PRKCA: variants seen among roughly 807,000 people sequenced by gnomAD.
The protein encoded by PRKCA is protein kinase C alpha type.
In PRKCA, 27 loss-of-function variants were observed where a neutral mutation model predicts 87.0. That is an observed-to-expected ratio of 0.31 (90% CI 0.23 to 0.43). The LOEUF is 0.43. PRKCA is among the 20% of genes least tolerant of loss of function. The pLI is 1.00. For missense variants in PRKCA, 518 were observed against 852.3 expected (o/e 0.61, Z 4.88); for synonymous variants, 329 against 311.1 (o/e 1.06, Z -0.61).
chr17:66,776,407 T>C (rs61762776), intron 14 of PRKCA, among the ~76,000 whole-genome samples: 83 of 152,224 alleles, frequency 5.5e-4, no homozygotes, highest in African/African-American at 1.7e-3. Context: ...GCCTCCCAGG[T>C]TCAAGCAATT....
intron 2 of PRKCA, among the ~76,000 whole-genome samples, chr17:66,493,868 G>A (rs1916352173): frequency 6.6e-6 from 1 of 152,142 alleles, no homozygotes; most frequent in Non-Finnish European, 1.5e-5. Context: ...CATGATGATG[G>A]CCAATTACTT....
intron 3 of PRKCA, among the ~76,000 whole-genome samples, chr17:66,540,396 G>C (rs543640604): frequency 6.6e-6 from 1 of 152,308 alleles, no homozygotes; most frequent in South Asian, 2.1e-4. Flanking sequence ...CTTGACGCTG[G>C]GGGGACGGCG....
intron 3 of PRKCA, among the ~76,000 whole-genome samples, chr17:66,603,405 T>G (rs530482258): frequency 1.3e-5 from 2 of 152,150 alleles, no homozygotes; most frequent in Non-Finnish European, 2.9e-5. Flanking sequence ...TTCTTTTGGT[T>G]GTGGAGAAGT....
chr17:66,363,303 T>G (rs16959068), intron 2 of PRKCA, among the ~76,000 whole-genome samples: 2,455 of 152,320 alleles, frequency 0.016, 60 homozygotes, highest in African/African-American at 0.055. Flanking sequence ...CATAAGTTCA[T>G]TTACACAGGG....
intron 12 of PRKCA, 56 bp downstream of exon 12, chr17:66,741,777 G>C (rs1301753640): frequency 6.5e-7 from 1 of 1,544,810 alleles, no homozygotes; most frequent in Admixed American, 1.7e-5. Context: ...CTGGGCCTCT[G>C]TGGGCATGTC....
intron 13 of PRKCA, among the ~76,000 whole-genome samples, chr17:66,755,194 G>A (rs972973407): frequency 3.3e-5 from 5 of 152,168 alleles, no homozygotes; most frequent in Non-Finnish European, 7.3e-5. Flanking sequence ...ACCTGACCCA[G>A]TATTGTCAGT....
intron 2 of PRKCA, among the ~76,000 whole-genome samples, chr17:66,392,130 T>C (rs1423444270): frequency 6.6e-6 from 1 of 151,500 alleles, no homozygotes; most frequent in East Asian, 2.0e-4. Flanking sequence ...CGCAGGAGGC[T>C]GAGGCAGGAG....
At position 66,312,420 on chromosome 17, in the gene PRKCA, A is replaced by G. The variant is rs16959057; in HGVS notation, c.205+6293A>G. On this transcript the variant is annotated intron_variant, in intron 2 of 16. Coordinates refer to ENST00000413366, the MANE Select transcript of PRKCA (RefSeq NM_002737.3). Reference sequence around the variant, plus strand: ...CAATTGTTTTTCTTCATGCAGATTCAGAGTATTCCATTTCCAAATAGCATT... The same window carrying G: ...CAATTGTTTTTCTTCATGCAGATTCGGAGTATTCCATTTCCAAATAGCATT... 9.3e-3 allele frequency among the ~76,000 whole-genome samples: 1,414 copies of G among 152,278 alleles called. 24 individuals carry two copies. The highest frequency in any genetic ancestry group is 0.033 in the African/African-American group (1,363 of 41,544).
chr17:66,595,463 C>CTTTTTTTTTTTT lies in PRKCA; in HGVS notation c.289-45887_289-45876dup, dbSNP rs374376124. 3.4e-3 allele frequency among the ~76,000 whole-genome samples: 392 copies of CTTTTTTTTTTTT among 116,424 alleles called. 21 individuals are homozygous for CTTTTTTTTTTTT. Among genetic ancestry groups the CTTTTTTTTTTTT allele is most frequent in the African/African-American group, 5.3e-3 (152 of 28,920 alleles). The allele number at this position is 116,424 out of a possible 152,430, so 76.4% of individuals were successfully genotyped here. A position where few individuals can be genotyped will look rare whatever the true frequency, so the allele number is the denominator to read the frequency against. Reference sequence around the variant, plus strand: ...AACTCTATTTTATTTTCTTTTCCTTCTTTTTTTTTTTTTTTTGAGACAGTC... The same window carrying CTTTTTTTTTTTT: ...AACTCTATTTTATTTTCTTTTCCTTCTTTTTTTTTTTTTTTTTTTTTTTTTTTTGAGACAGTC... On this transcript the variant is annotated intron_variant, in intron 3 of 16. Transcript: ENST00000413366.
chr17:66,782,218 A>ATATATATT (rs1381739181), intron 14 of PRKCA, among the ~76,000 whole-genome samples: 1 of 151,912 alleles, frequency 6.6e-6, no homozygotes, highest in Non-Finnish European at 1.5e-5. Flanking sequence ...AGCCTGTGTT[A>ATATATATT]TATATATTTT....
At chr17:66,398,822 A>T (rs537131239) in intron 2 of PRKCA, among the ~76,000 whole-genome samples, 28 of 152,332 alleles carry the variant, frequency 1.8e-4, no homozygotes, top group African/African-American at 6.5e-4. Flanking sequence ...AGGTTATGCA[A>T]TTAGGATCCT....
At chr17:66,730,241 C>G (rs1158236909) in intron 8 of PRKCA, among the ~76,000 whole-genome samples, 2 of 152,180 alleles carry the variant, frequency 1.3e-5, no homozygotes, top group African/African-American at 2.4e-5. Flanking sequence ...CTAGACACAG[C>G]TGGCAGTGTC....
At position 66,302,885 on chromosome 17, in the gene PRKCA, G is replaced by A; in HGVS notation, c.34G>A (p.Ala12Thr). The A allele has an allele frequency of 2.5e-6, 4 of 1,609,594 alleles. No homozygotes were observed. The African/African-American group carries it at 4.0e-5, about 16-fold the overall frequency. Residue 12 changes from alanine (A) to threonine (T), a missense_variant, in exon 1 of 17, where the codon GCG becomes ACG. Ala to Thr is a moderately conservative substitution (Grantham distance 58). Around this residue, in one of 5 missense-constraint regions of PRKCA, gnomAD observed 33 missense variants for 34.1 expected, o/e 0.97. Coordinates refer to ENST00000413366, the MANE Select transcript of PRKCA (RefSeq NM_002737.3). ...ADVFPGNDST[A>T]SQDVANRFAR... is the part of the protein sequence containing the mutation. ...CGTTTTCCCGGGCAACGACTCCACGGCGTCTCAGGACGTGGCCAACCGCTT... is the reference window on the plus strand; with the variant it reads ...CGTTTTCCCGGGCAACGACTCCACGACGTCTCAGGACGTGGCCAACCGCTT...
chr17:66,493,275 G>A (rs1005725818), intron 2 of PRKCA, among the ~76,000 whole-genome samples: 17 of 149,180 alleles, frequency 1.1e-4, no homozygotes, highest in African/African-American at 4.2e-4. Flanking sequence ...ATGTGTATAT[G>A]TGTATGTCTA....
Position 66,631,747 on chromosome 17 carries a change from C to T in PRKCA, c.289-9608C>T, listed in dbSNP as rs1319187965. 2.0e-5 allele frequency among the ~76,000 whole-genome samples: 3 copies of T among 152,172 alleles called. No homozygotes were observed. In the East Asian group the frequency reaches 5.8e-4, roughly 29 times the overall value. The stretch of plus-strand genomic sequence containing the variant: ...GGATAAATGTCTGAGGGGATGGATA[C>T]TCCATTCTCCATGATGTGCTTATTT... On this transcript the variant is annotated intron_variant, in intron 3 of 16. Coordinates refer to ENST00000413366, the MANE Select transcript of PRKCA (RefSeq NM_002737.3).
intron 3 of PRKCA, among the ~76,000 whole-genome samples, chr17:66,545,227 G>A (rs888074196): frequency 3.9e-5 from 6 of 152,110 alleles, no homozygotes; most frequent in Admixed American, 3.3e-4. Context: ...AGGAGATCGA[G>A]ACCATCCTGG....
intron 13 of PRKCA, among the ~76,000 whole-genome samples, chr17:66,747,423 C>T (rs1974319026): frequency 6.6e-6 from 1 of 152,214 alleles, no homozygotes; most frequent in African/African-American, 2.4e-5. Flanking sequence ...CACAGCATCG[C>T]TATGGCGGGG....
At chr17:66,677,075 T>TTTTTATTTATTTATTTATTTATTTATTTA (rs1555634533) in intron 5 of PRKCA, 1 of 144,486 alleles carries the variant, frequency 6.9e-6, no homozygotes. Context: ...CACAGCTTAT[T>TTTTTATTTATTTATTTATTTATTTATTTA]TTTATTTATT....
At chr17:66,613,479 A>T (rs1194059356) in intron 3 of PRKCA, among the ~76,000 whole-genome samples, 1 of 152,204 alleles carries the variant, frequency 6.6e-6, no homozygotes, top group African/African-American at 2.4e-5. Flanking sequence ...TTCTTAAAAC[A>T]ACGGAAATTT....
Sources: gnomAD v4.1 joint callset for allele counts (sites outside exome capture counted in the v4.1 genomes callset) on GRCh38, gnomAD v4.1.1 for gene constraint, gnomAD v4.1.1 regional missense constraint, MANE v1.5 for transcripts, NCBI Gene and HGNC (gene_info 2026-07-23, HGNC 2026-07-21) for gene names.